Variants in CTNND2 observed in about 807,000 individuals in gnomAD.
CTNND2 encodes the protein catenin delta-2.
CTNND2 carries 22 observed loss-of-function variants against 144.4 expected under a neutral mutation model. The observed-to-expected ratio is 0.15, with a 90% CI of 0.11 to 0.22. The LOEUF (loss-of-function observed/expected upper bound fraction) is 0.22, where lower values mean the gene tolerates loss of function less well. Among genes scored for constraint, CTNND2 ranks in the 10% least tolerant of loss-of-function variants. CTNND2 has a pLI of 1.00. For missense variants in CTNND2, 1,353 were observed against 1,618.8 expected (o/e 0.84, Z 2.82); for synonymous variants, 751 against 695.6 (o/e 1.08, Z -1.25).
chr5:11,152,357 G>A (rs1456094612), intron 12 of CTNND2, among the ~76,000 whole-genome samples: 1 of 152,132 alleles, frequency 6.6e-6, no homozygotes, highest in African/African-American at 2.4e-5. Context: ...TACCATTTGT[G>A]TTACAACTGT....
intron 14 of CTNND2, among the ~76,000 whole-genome samples, chr5:11,106,481 C>T (rs775835738): frequency 6.6e-6 from 1 of 152,328 alleles, no homozygotes; most frequent in Admixed American, 6.5e-5. Flanking sequence ...CAGACTTGTG[C>T]CTACACCTTC....
chr5:11,636,023 A>C (rs1781679370), intron 2 of CTNND2, among the ~76,000 whole-genome samples: 1 of 124,328 alleles, frequency 8.0e-6, no homozygotes, highest in Non-Finnish European at 1.7e-5. Flanking sequence ...TCAATGGTTT[A>C]ATCCCCCCCC....
chr5:11,009,357 T>C (rs1473793750), intron 18 of CTNND2, among the ~76,000 whole-genome samples: 1 of 152,082 alleles, frequency 6.6e-6, no homozygotes, highest in Non-Finnish European at 1.5e-5. Flanking sequence ...CTCAACCTCA[T>C]TGGGAGGCAT....
chr5:11,075,676 C>T (rs373393706), intron 16 of CTNND2, among the ~76,000 whole-genome samples: 4 of 152,354 alleles, frequency 2.6e-5, no homozygotes, highest in South Asian at 4.1e-4. Context: ...CTGTGAGCTC[C>T]GCCAGTACCC....
At chr5:11,663,335 T>C (rs151005869) in intron 2 of CTNND2, among the ~76,000 whole-genome samples, 4 of 152,312 alleles carry the variant, frequency 2.6e-5, no homozygotes, top group South Asian at 2.1e-4. Flanking sequence ...AATCATGAAA[T>C]TGAGTTTTCC....
chr5:11,763,741 G>A (rs1273762375), intron 1 of CTNND2, among the ~76,000 whole-genome samples: 2 of 152,178 alleles, frequency 1.3e-5, no homozygotes, highest in Admixed American at 1.3e-4. Context: ...CGTCAAAAAT[G>A]GATGATATGA....
intron 2 of CTNND2, among the ~76,000 whole-genome samples, chr5:11,708,459 T>A (rs937175448): frequency 2.0e-5 from 3 of 152,190 alleles, no homozygotes; most frequent in Non-Finnish European, 2.9e-5. Flanking sequence ...ATTGGAGAGA[T>A]CTGAGTAGTT....
At position 11,791,065 on chromosome 5, in the gene CTNND2, CAG is replaced by C. The variant is rs1791110162; in HGVS notation, c.38-58795_38-58794del. 3.3e-5 allele frequency among the ~76,000 whole-genome samples: 5 copies of C among 152,196 alleles called. No homozygotes were observed. In the South Asian group the frequency reaches 1.0e-3, roughly 32 times the overall value. ...ACCCTGGGAGAACACCATGGGAAGA[CAG>C]AGGCGGACAGTGGAGCAACATATCT... On this transcript the variant is annotated intron_variant, in intron 1 of 21. Coordinates refer to ENST00000304623, the MANE Select transcript of CTNND2 (RefSeq NM_001332.4).
intron 2 of CTNND2, among the ~76,000 whole-genome samples, chr5:11,623,308 T>G (rs1206428650): frequency 6.6e-6 from 1 of 152,092 alleles, no homozygotes; most frequent in African/African-American, 2.4e-5. Flanking sequence ...AGGGACTTGG[T>G]GGGAGATAAT....
chr5:11,595,970 T>C (rs1235147682), intron 2 of CTNND2, among the ~76,000 whole-genome samples: 2 of 152,194 alleles, frequency 1.3e-5, no homozygotes, highest in African/African-American at 2.4e-5. Context: ...ATATCAATAA[T>C]AACAAAGGCA....
chr5:11,047,403 T>C (rs1745376791), intron 16 of CTNND2, among the ~76,000 whole-genome samples: 1 of 152,016 alleles, frequency 6.6e-6, no homozygotes, highest in Non-Finnish European at 1.5e-5. Context: ...TGTTTTGGGG[T>C]CTGAGTTTAA....
intron 2 of CTNND2, among the ~76,000 whole-genome samples, chr5:11,570,032 A>C (rs1777436182): frequency 6.6e-6 from 1 of 152,214 alleles, no homozygotes; most frequent in South Asian, 2.1e-4. Context: ...TATTTTTTGC[A>C]CAGTTTCATT....
chr5:11,068,252 C>T (rs1178459758), intron 16 of CTNND2, among the ~76,000 whole-genome samples: 2 of 152,206 alleles, frequency 1.3e-5, no homozygotes, highest in Non-Finnish European at 2.9e-5. Context: ...TGGCAAACTT[C>T]AGCATCCCTC....
intron 10 of CTNND2, among the ~76,000 whole-genome samples, chr5:11,227,560 C>A (rs1480877323): frequency 6.6e-6 from 1 of 152,030 alleles, no homozygotes; most frequent in Non-Finnish European, 1.5e-5. Flanking sequence ...TAGCACATTC[C>A]CTCGAACTAT....
intron 2 of CTNND2, among the ~76,000 whole-genome samples, chr5:11,589,250 T>C (rs1779080718): frequency 6.6e-6 from 1 of 151,462 alleles, no homozygotes. Context: ...TGAATGTATC[T>C]GGATTCTTAG....
chr5:11,432,260 G>A, intron 3 of CTNND2, among the ~76,000 whole-genome samples: 1 of 147,532 alleles, frequency 6.8e-6, no homozygotes, highest in Admixed American at 6.6e-5. Flanking sequence ...GCATAAATTG[G>A]CCATATGAGG....
chr5:11,849,539 T>C (rs562732979), intron 1 of CTNND2, among the ~76,000 whole-genome samples: 2 of 152,184 alleles, frequency 1.3e-5, no homozygotes, highest in African/African-American at 2.4e-5. Context: ...ATCAGGAAAC[T>C]TCCACTGGCT....
intron 3 of CTNND2, among the ~76,000 whole-genome samples, chr5:11,454,525 AT>A (rs1765566746): frequency 6.6e-6 from 1 of 152,090 alleles, no homozygotes; most frequent in South Asian, 2.1e-4. Flanking sequence ...GTTTAGAGGG[AT>A]TTTTTGATTG....
intron 1 of CTNND2, among the ~76,000 whole-genome samples, chr5:11,737,845 GT>G (rs1183238445): frequency 6.6e-6 from 1 of 152,178 alleles, no homozygotes; most frequent in Non-Finnish European, 1.5e-5. Context: ...AAAGCCATAA[GT>G]AGGCACAATG....
Sources: gnomAD v4.1 joint callset for allele counts (sites outside exome capture counted in the v4.1 genomes callset) on GRCh38, gnomAD v4.1.1 for gene constraint, MANE v1.5 for transcripts, NCBI Gene and HGNC (gene_info 2026-07-23, HGNC 2026-07-21) for gene names.